The following POU6F2 variants were observed in gnomAD, a reference collection of about 807,000 sequenced individuals.
POU6F2 encodes the protein POU class 6 homeobox 2, also known as POU domain, class 6, transcription factor 2.
Under a neutral mutation model 71.3 loss-of-function variants are expected in POU6F2, and 31 were observed. The observed-to-expected ratio is 0.43, with a 90% CI of 0.33 to 0.59. POU6F2 has a LOEUF of 0.59. Ranked by LOEUF, POU6F2 falls within the 20% of genes least tolerant of loss-of-function variation. The pLI is 0.04. For synonymous variants in POU6F2, 347 were observed against 355.7 expected (o/e 0.98, Z 0.27); for missense variants, 783 against 856.8 (o/e 0.91, Z 1.07).
chr7:39,383,066 C>T (rs1008670015), intron 5 of POU6F2, among the ~76,000 whole-genome samples: 3 of 152,268 alleles, frequency 2.0e-5, no homozygotes, highest in Non-Finnish European at 2.9e-5. Flanking sequence ...TATTAATATG[C>T]GCATTGCCAA....
At chr7:39,204,901 C>CA (rs1793979027) in intron 3 of POU6F2, among the ~76,000 whole-genome samples, 2 of 126,188 alleles carry the variant, frequency 1.6e-5, no homozygotes, top group African/African-American at 5.9e-5. Flanking sequence ...AAAGGCTGGG[C>CA]TTTTTTTTTT....
At chr7:39,089,087 A>G (rs1289545058) in intron 2 of POU6F2, among the ~76,000 whole-genome samples, 1 of 152,202 alleles carries the variant, frequency 6.6e-6, no homozygotes, top group Non-Finnish European at 1.5e-5. Context: ...TGCCAGCCTA[A>G]GTAGAAAGTT....
chr7:38,980,037 T>A (rs1482525359), intron 1 of POU6F2, among the ~76,000 whole-genome samples: 14 of 152,176 alleles, frequency 9.2e-5, no homozygotes, highest in Admixed American at 9.2e-4. Context: ...GGATTTAAAA[T>A]TAGTTATTAT....
intron 2 of POU6F2, among the ~76,000 whole-genome samples, chr7:39,137,265 T>C (rs1792406451): frequency 6.6e-6 from 1 of 152,070 alleles, no homozygotes; most frequent in Non-Finnish European, 1.5e-5. Context: ...GTACAATTAT[T>C]ATGAGTCAAC....
chr7:39,195,435 T>G (rs1584595023), intron 2 of POU6F2, among the ~76,000 whole-genome samples: 1 of 152,250 alleles, frequency 6.6e-6, no homozygotes, highest in Non-Finnish European at 1.5e-5. Flanking sequence ...CCCTCCTTGC[T>G]GCTGAAGGGT....
chr7:39,407,798 G>GA (rs1787468808), intron 6 of POU6F2, among the ~76,000 whole-genome samples: 2 of 152,196 alleles, frequency 1.3e-5, no homozygotes, highest in East Asian at 1.9e-4. Context: ...ACATTCCAGG[G>GA]AAAAAAAGCT....
At chr7:39,093,043 A>T (rs766189674) in intron 2 of POU6F2, among the ~76,000 whole-genome samples, 21 of 152,084 alleles carry the variant, frequency 1.4e-4, no homozygotes, top group Non-Finnish European at 2.5e-4. Context: ...TTATTTGAGG[A>T]TGGAAAAGAA....
chr7:39,371,473 C>T (rs1031942587), intron 5 of POU6F2, among the ~76,000 whole-genome samples: 1 of 152,154 alleles, frequency 6.6e-6, no homozygotes, highest in Non-Finnish European at 1.5e-5. Context: ...GCCACCACGC[C>T]CGGCCGAGAA....
At chr7:39,162,947 A>G (rs1459113835) in intron 2 of POU6F2, among the ~76,000 whole-genome samples, 1 of 152,214 alleles carries the variant, frequency 6.6e-6, no homozygotes, top group East Asian at 1.9e-4. Flanking sequence ...GAACAAAGTT[A>G]GAACCTTTTA....
chr7:39,445,249 G>A (rs1245226064), intron 7 of POU6F2, among the ~76,000 whole-genome samples: 2 of 152,182 alleles, frequency 1.3e-5, no homozygotes, highest in African/African-American at 4.8e-5. Flanking sequence ...AAGCCACCCA[G>A]AATGAGATAG....
intron 6 of POU6F2, among the ~76,000 whole-genome samples, chr7:39,427,138 G>A (rs940096438): frequency 6.6e-6 from 1 of 152,170 alleles, no homozygotes. Context: ...ATTAAGCTAC[G>A]AATGACCATT....
At chr7:39,133,491 A>G (rs1413066305) in intron 2 of POU6F2, among the ~76,000 whole-genome samples, 1 of 152,232 alleles carries the variant, frequency 6.6e-6, no homozygotes, top group Non-Finnish European at 1.5e-5. Flanking sequence ...CAAAATGATT[A>G]TGGGTTCGTT....
At chr7:39,125,092 C>G (rs1479300027) in intron 2 of POU6F2, among the ~76,000 whole-genome samples, 2 of 151,610 alleles carry the variant, frequency 1.3e-5, no homozygotes, top group Non-Finnish European at 2.9e-5. Context: ...TCCTTTTTTT[C>G]TTTTCCTTTT....
At chr7:39,453,229 C>T (rs74384358) in intron 8 of POU6F2, among the ~76,000 whole-genome samples, 1 of 152,026 alleles carries the variant, frequency 6.6e-6, no homozygotes, top group Admixed American at 6.5e-5. Context: ...GATATACAAC[C>T]CTCTCCAGAA....
intron 6 of POU6F2, among the ~76,000 whole-genome samples, chr7:39,420,289 G>T (rs1391326261): frequency 6.6e-6 from 1 of 152,194 alleles, no homozygotes; most frequent in Non-Finnish European, 1.5e-5. Flanking sequence ...ATTACTGAAA[G>T]AAAGAATGTT....
chr7:39,063,752 A>G (rs1050131680), intron 1 of POU6F2, among the ~76,000 whole-genome samples: 3 of 150,106 alleles, frequency 2.0e-5, no homozygotes, highest in African/African-American at 7.3e-5. Context: ...AGAAACAATA[A>G]TTTTATAAAC....
At chr7:39,112,394 A>G (rs953131569) in intron 2 of POU6F2, among the ~76,000 whole-genome samples, 1 of 152,206 alleles carries the variant, frequency 6.6e-6, no homozygotes, top group African/African-American at 2.4e-5. Flanking sequence ...AAACTTTATG[A>G]TCTATTAACA....
intron 4 of POU6F2, among the ~76,000 whole-genome samples, chr7:39,331,807 G>A (rs566151279): frequency 1.1e-4 from 16 of 152,302 alleles, no homozygotes; most frequent in African/African-American, 3.1e-4. Context: ...CACCGCGCCC[G>A]GCCTCGCTGT....
Position 38,994,575 on chromosome 7 carries a change from G to A in POU6F2, c.105+16517G>A, listed in dbSNP as rs573433611. 7.2e-5 allele frequency among the ~76,000 whole-genome samples: 11 copies of A among 152,288 alleles called. No individual in the cohort carries two copies. In the South Asian group the frequency reaches 2.3e-3, roughly 32 times the overall value. ...CCTCACCATGCCCGTGACAGGGTTG[G>A]TGAGCAGAGCTGGGGAGAGGGTTGA... On this transcript the variant is annotated intron_variant, in intron 1 of 9. Coordinates refer to ENST00000518318, the MANE Select transcript of POU6F2 (RefSeq NM_001370959.1).
Sources: allele counts gnomAD v4.1 joint callset (sites outside exome capture counted in the v4.1 genomes callset), GRCh38; gene constraint gnomAD v4.1.1; transcripts MANE v1.5; gene names NCBI Gene and HGNC (gene_info 2026-07-23, HGNC 2026-07-21).